The following KHDRBS2 variants were observed in gnomAD, a reference collection of about 807,000 sequenced individuals.
KHDRBS2 encodes the protein KH RNA binding domain containing, signal transduction associated 2, also known as KH domain-containing, RNA-binding, signal transduction-associated protein 2.
Under a neutral mutation model 44.3 loss-of-function variants are expected in KHDRBS2, and 26 were observed. That is an observed-to-expected ratio of 0.59 (90% confidence interval 0.43 to 0.81). The LOEUF is 0.81. Ranked by LOEUF, KHDRBS2 falls within the 40% of genes least tolerant of loss-of-function variation. The probability of loss-of-function intolerance (pLI) is 0.00; values close to 1 mark genes in which losing one functional copy is unlikely to be tolerated. For synonymous variants in KHDRBS2, 194 were observed against 151.1 expected (o/e 1.28, Z -2.08); for missense variants, 476 against 433.1 (o/e 1.10, Z -0.88).
intron 4 of KHDRBS2, among the ~76,000 whole-genome samples, chr6:61,945,110 AAAGTATATATAT>A (rs1236956817): frequency 0.079 from 3,660 of 46,252 alleles, 399 homozygotes; most frequent in East Asian, 0.27. Flanking sequence ...AAAAAAAAAA[AAAGTATATATAT>A]ATATATATAT....
chr6:62,082,988 G>A (rs1210864884), intron 2 of KHDRBS2, among the ~76,000 whole-genome samples: 1 of 152,134 alleles, frequency 6.6e-6, no homozygotes, highest in Non-Finnish European at 1.5e-5. Context: ...ATGGATAGGA[G>A]GCAGAGAAAT....
chr6:62,266,922 A>C (rs1361235031), intron 1 of KHDRBS2, among the ~76,000 whole-genome samples: 1 of 152,038 alleles, frequency 6.6e-6, no homozygotes, highest in Non-Finnish European at 1.5e-5. Context: ...TCAAATAAAA[A>C]ATATTTTTTC....
chr6:61,917,497 G>A (rs1054343071), intron 4 of KHDRBS2, among the ~76,000 whole-genome samples: 3 of 151,854 alleles, frequency 2.0e-5, no homozygotes, highest in Non-Finnish European at 2.9e-5. Context: ...GGGGAAGGAT[G>A]GAATGAATAG....
intron 6 of KHDRBS2, among the ~76,000 whole-genome samples, chr6:61,796,914 C>T (rs1785444169): frequency 6.6e-6 from 1 of 151,964 alleles, no homozygotes; most frequent in African/African-American, 2.4e-5. Flanking sequence ...TCTGTAAAAT[C>T]CTGATAGTGC....
At chr6:62,199,046 G>A (rs1198714858) in intron 1 of KHDRBS2, among the ~76,000 whole-genome samples, 1 of 152,130 alleles carries the variant, frequency 6.6e-6, no homozygotes, top group Non-Finnish European at 1.5e-5. Context: ...AGCCCTTCAT[G>A]CTAAAAACTC....
At chr6:61,683,777 T>C (rs1438116145) in intron 8 of KHDRBS2, among the ~76,000 whole-genome samples, 2 of 151,854 alleles carry the variant, frequency 1.3e-5, no homozygotes, top group Non-Finnish European at 2.9e-5. Context: ...TTTATAACGC[T>C]CTGCTTCTAT....
chr6:62,087,239 G>A (rs1361866148), intron 2 of KHDRBS2, among the ~76,000 whole-genome samples: 1 of 151,916 alleles, frequency 6.6e-6, no homozygotes, highest in South Asian at 2.1e-4. Flanking sequence ...AGAAGGATAT[G>A]GTCATAAAAT....
At chr6:61,765,980 G>T (rs1779955462) in intron 6 of KHDRBS2, among the ~76,000 whole-genome samples, 1 of 151,992 alleles carries the variant, frequency 6.6e-6, no homozygotes, top group African/African-American at 2.4e-5. Context: ...TAGTATCAGG[G>T]TAATACTTGC....
rs1271628572 is a variant in KHDRBS2, at chr6:62,027,693, A to G, written c.336+20185T>C. 2.6e-5 allele frequency among the ~76,000 whole-genome samples: 4 copies of G among 152,216 alleles called. No homozygotes were observed. The East Asian group carries it at 7.8e-4, about 30-fold the overall frequency. On this transcript the variant is annotated intron_variant, in intron 3 of 8. Transcript: ENST00000281156. Reference sequence around the variant, plus strand: ...TCAATGATTTAATAACATGCTTATGAAATGCAGCCGCCATAATAACCCAAA... The same window carrying G: ...TCAATGATTTAATAACATGCTTATGGAATGCAGCCGCCATAATAACCCAAA...
At chr6:62,271,704 G>A (rs1315257174) in intron 1 of KHDRBS2, among the ~76,000 whole-genome samples, 2 of 150,730 alleles carry the variant, frequency 1.3e-5, no homozygotes, top group African/African-American at 4.9e-5. Context: ...TGTGTAGCTG[G>A]GTCTTATTTA....
intron 1 of KHDRBS2, among the ~76,000 whole-genome samples, chr6:62,258,386 A>G (rs112895797): frequency 1.6e-4 from 25 of 152,130 alleles, no homozygotes; most frequent in Non-Finnish European, 3.5e-4. Context: ...TGAACAGATG[A>G]ATGACCTTTT....
chr6:62,000,115 T>TTGTGTGAG (rs986685714), intron 3 of KHDRBS2, among the ~76,000 whole-genome samples: 1 of 151,886 alleles, frequency 6.6e-6, no homozygotes, highest in African/African-American at 2.4e-5. Flanking sequence ...ACTACCACAA[T>TTGTGTGAG]TGTGTGAGTG....
At chr6:61,949,795 A>G (rs1764369989) in intron 4 of KHDRBS2, among the ~76,000 whole-genome samples, 1 of 152,086 alleles carries the variant, frequency 6.6e-6, no homozygotes, top group Non-Finnish European at 1.5e-5. Flanking sequence ...TCAGGAATAA[A>G]TATTTTATAG....
At chr6:61,825,797 C>A (rs1187414254) in intron 6 of KHDRBS2, among the ~76,000 whole-genome samples, 1 of 152,072 alleles carries the variant, frequency 6.6e-6, no homozygotes, top group Non-Finnish European at 1.5e-5. Flanking sequence ...CTCTTTGAGT[C>A]TTGGTGTCCT....
the KHDRBS2 span, among the ~76,000 whole-genome samples, chr6:61,597,135 A>G: frequency 6.6e-6 from 1 of 152,208 alleles, no homozygotes; most frequent in South Asian, 2.1e-4. Context: ...TTTTTTATGT[A>G]AACGTTTAAG....
At chr6:62,282,892 GC>G (rs765598504) in intron 1 of KHDRBS2, among the ~76,000 whole-genome samples, 2 of 152,030 alleles carry the variant, frequency 1.3e-5, no homozygotes, top group Non-Finnish European at 2.9e-5. Context: ...AGGAAACTGG[GC>G]CCAGGGAAAG....
chr6:62,109,726 G>A (rs894225651), intron 2 of KHDRBS2, among the ~76,000 whole-genome samples: 19 of 151,174 alleles, frequency 1.3e-4, no homozygotes, highest in Admixed American at 1.2e-3. Context: ...TATTTCATAT[G>A]TATATGCAAA....
chr6:61,716,732 T>C (rs1771497820), intron 7 of KHDRBS2, among the ~76,000 whole-genome samples: 1 of 152,068 alleles, frequency 6.6e-6, no homozygotes, highest in African/African-American at 2.4e-5. Context: ...ATGTTATTCA[T>C]ATGTTAAACT....
At chr6:62,181,475 A>C (rs1205153422) in intron 1 of KHDRBS2, among the ~76,000 whole-genome samples, 2 of 152,002 alleles carry the variant, frequency 1.3e-5, no homozygotes, top group Admixed American at 6.6e-5. Flanking sequence ...AGAGAAATGC[A>C]AATCAAAGCA....
Sources: gnomAD v4.1 joint callset for allele counts (sites outside exome capture counted in the v4.1 genomes callset) on GRCh38, gnomAD v4.1.1 for gene constraint, MANE v1.5 for transcripts, NCBI Gene and HGNC (gene_info 2026-07-23, HGNC 2026-07-21) for gene names.